Variants in RPTOR observed in about 807,000 individuals in gnomAD.
The protein encoded by RPTOR is regulatory-associated protein of mTOR.
A neutral mutation model predicts 169.9 loss-of-function variants in RPTOR; 21 were observed. The observed-to-expected ratio is 0.12, with a 90% confidence interval of 0.09 to 0.18. The LOEUF is 0.18. RPTOR is among the 10% of genes least tolerant of loss of function. The pLI is 1.00. For synonymous variants in RPTOR, 732 were observed against 753.2 expected, an observed-to-expected ratio of 0.97 and a Z score of 0.46; for missense variants, 1,133 against 1,855.9, an observed-to-expected ratio of 0.61 and a Z score of 7.16.
At chr17:80,611,692 A>G (rs777420460) in intron 1 of RPTOR, among the ~76,000 whole-genome samples, 1 of 151,814 alleles carries the variant, frequency 6.6e-6, no homozygotes, top group African/African-American at 2.4e-5. Flanking sequence ...CTTCCACAAT[A>G]TTATCTAAAT....
intron 20 of RPTOR, among the ~76,000 whole-genome samples, chr17:80,895,446 C>G (rs888617720): frequency 6.6e-6 from 1 of 152,240 alleles, no homozygotes; most frequent in Non-Finnish European, 1.5e-5. Context: ...TTCATTGGCC[C>G]GGCCCATCTC....
At chr17:80,914,006 C>T (rs117791055) in intron 21 of RPTOR, among the ~76,000 whole-genome samples, 43 of 152,376 alleles carry the variant, frequency 2.8e-4, no homozygotes, top group Non-Finnish European at 6.0e-4. Flanking sequence ...ACCGCTGCAG[C>T]CTCTTGATAC....
intron 13 of RPTOR, among the ~76,000 whole-genome samples, chr17:80,867,191 C>G (rs1380788861): frequency 6.6e-6 from 1 of 151,854 alleles, no homozygotes; most frequent in Non-Finnish European, 1.5e-5. Context: ...GGATGCAAAC[C>G]TGTTTAAGGA....
In RPTOR at chr17:80,897,261, A is replaced by G. The variant is rs187336402; in HGVS notation, c.2401+3396A>G. Reference sequence around the variant, plus strand: ...AGACTCCATCTCAAAAAAAAAAAAAAGAATGGCAGTGGACATCTGTGTTTC... The same window carrying G: ...AGACTCCATCTCAAAAAAAAAAAAAGGAATGGCAGTGGACATCTGTGTTTC... On this transcript the variant is annotated intron_variant, in intron 20 of 33. Transcript: ENST00000306801. Among the ~76,000 whole-genome samples, 701 of 145,144 alleles carry G rather than the reference A, an allele frequency of 4.8e-3. 7 individuals carry two copies. Among genetic ancestry groups the G allele is most frequent in the African/African-American group, 0.017 (659 of 38,962 alleles).
intron 10 of RPTOR, among the ~76,000 whole-genome samples, chr17:80,840,184 G>A (rs910143939): frequency 1.3e-5 from 2 of 152,108 alleles, no homozygotes; most frequent in African/African-American, 2.4e-5. Context: ...AGCAGTGGCC[G>A]CTTTCCTGCC....
intron 28 of RPTOR, 115 bp downstream of exon 28, chr17:80,949,662 C>T: frequency 1.2e-6 from 1 of 813,026 alleles, no homozygotes; most frequent in Non-Finnish European, 2.1e-6. Context: ...ACCTCAGAGT[C>T]CCCAGAATCC....
chr17:80,617,647 A>G (rs996071960), intron 1 of RPTOR, among the ~76,000 whole-genome samples: 7 of 152,184 alleles, frequency 4.6e-5, no homozygotes, highest in Admixed American at 3.3e-4. Context: ...GTGACAAAGT[A>G]TTTTTATTTT....
chr17:80,767,112 C>G (rs1046479899), intron 6 of RPTOR, among the ~76,000 whole-genome samples: 1 of 152,218 alleles, frequency 6.6e-6, no homozygotes, highest in African/African-American at 2.4e-5. Flanking sequence ...GGGGCTCATG[C>G]CTATAATCCC....
chr17:80,851,727 G>A (rs959064055), intron 11 of RPTOR, among the ~76,000 whole-genome samples: 6 of 152,176 alleles, frequency 3.9e-5, no homozygotes, highest in Non-Finnish European at 7.3e-5. Context: ...CCAGCGTCCC[G>A]CTTGCTTTTG....
chr17:80,617,084 C>G (rs72858222), intron 1 of RPTOR, among the ~76,000 whole-genome samples: 3,248 of 152,298 alleles, frequency 0.021, 50 homozygotes, highest in Middle Eastern at 0.044. Context: ...TCTGCCCCCC[C>G]ATGCTTATAG....
intron 24 of RPTOR, among the ~76,000 whole-genome samples, chr17:80,937,023 G>C (rs536871913): frequency 6.6e-6 from 1 of 152,326 alleles, no homozygotes; most frequent in Non-Finnish European, 1.5e-5. Flanking sequence ...TCTGTCCACG[G>C]AGGGGACTTT....
intron 19 of RPTOR, 139 bp from the exon 20 acceptor site, chr17:80,893,568 G>GT: frequency 7.6e-6 from 8 of 1,049,400 alleles, no homozygotes; most frequent in Non-Finnish European, 1.1e-5. Flanking sequence ...ACCAGGGTGT[G>GT]TGTGTACCAG....
chr17:80,614,160 G>A (rs2065291938), intron 1 of RPTOR, among the ~76,000 whole-genome samples: 1 of 152,140 alleles, frequency 6.6e-6, no homozygotes, highest in Admixed American at 6.5e-5. Context: ...AGCCAGGGGA[G>A]CCCACCCCCA....
At chr17:80,601,388 G>A (rs1001784098) in intron 1 of RPTOR, among the ~76,000 whole-genome samples, 4 of 29,482 alleles carry the variant, frequency 1.4e-4, no homozygotes, top group Non-Finnish European at 3.0e-4. Context: ...CCGCAGCGCC[G>A]GCGGGCCGCT....
At chr17:80,868,483 C>T (rs2068017135) in intron 13 of RPTOR, among the ~76,000 whole-genome samples, 1 of 152,216 alleles carries the variant, frequency 6.6e-6, no homozygotes, top group Admixed American at 6.5e-5. Flanking sequence ...TATCAAGTGT[C>T]GGCAAGGCCG....
intron 2 of RPTOR, among the ~76,000 whole-genome samples, chr17:80,634,305 G>GTACTGTGTGTGTGCA (rs2065471023): frequency 1.1e-5 from 1 of 87,790 alleles, no homozygotes; most frequent in African/African-American, 6.1e-5. Context: ...GTGTGTGTGC[G>GTACTGTGTGTGTGCA]TACTGTGCGT....
intron 1 of RPTOR, among the ~76,000 whole-genome samples, chr17:80,600,960 G>A (rs1462722126): frequency 6.6e-6 from 1 of 151,660 alleles, no homozygotes; most frequent in Non-Finnish European, 1.5e-5. Context: ...ACTGTGAAAC[G>A]CCTCCCATTG....
intron 13 of RPTOR, among the ~76,000 whole-genome samples, chr17:80,873,784 G>T (rs1567960685): frequency 6.6e-6 from 1 of 152,258 alleles, no homozygotes; most frequent in Non-Finnish European, 1.5e-5. Context: ...ATTGACACCA[G>T]AATGTGAAGA....
At chr17:80,842,974 C>A (rs1189557223) in intron 10 of RPTOR, among the ~76,000 whole-genome samples, 1 of 152,218 alleles carries the variant, frequency 6.6e-6, no homozygotes, top group Admixed American at 6.5e-5. Context: ...TTCTTTGCAC[C>A]AGGACCACAC....
Sources: gnomAD v4.1 joint callset for allele counts (sites outside exome capture counted in the v4.1 genomes callset) on GRCh38, gnomAD v4.1.1 for gene constraint, MANE v1.5 for transcripts, NCBI Gene and HGNC (gene_info 2026-07-23, HGNC 2026-07-21) for gene names.